Variants in PROM1 observed in about 807,000 individuals in gnomAD.
PROM1 encodes the protein prominin-1.
A neutral mutation model predicts 116.9 loss-of-function variants in PROM1; 105 were observed. The ratio of observed to expected loss-of-function variants is 0.90; its 90% CI spans 0.77 to 1.06. The LOEUF (loss-of-function observed/expected upper bound fraction) is 1.06. PROM1 is among the 50% of genes least tolerant of loss of function. The pLI is 0.00. For missense variants in PROM1, 1,122 were observed against 1,045.2 expected (o/e 1.07, Z -1.01); for synonymous variants, 393 against 387.0 (o/e 1.02, Z -0.18).
At chr4:16,020,828 A>C (rs3796845) in intron 8 of PROM1, among the ~76,000 whole-genome samples, 15,790 of 152,260 alleles carry the variant, frequency 0.1, 1,039 homozygotes, top group East Asian at 0.25. Context: ...AAAAGCTTCA[A>C]AGTATTTTAT....
intron 5 of PROM1, among the ~76,000 whole-genome samples, chr4:16,026,610 T>A (rs2149350417): frequency 6.6e-6 from 1 of 152,316 alleles, no homozygotes; most frequent in East Asian, 1.9e-4. Context: ...ACATCCCATT[T>A]TTTGTACCTA....
chr4:16,042,773 TACTA>T (rs1735638280), intron 2 of PROM1, among the ~76,000 whole-genome samples: 1 of 152,202 alleles, frequency 6.6e-6, no homozygotes, highest in Admixed American at 6.5e-5. Flanking sequence ...CTGAAAAGAC[TACTA>T]AAGTACTGCT....
intron 9 of PROM1, 104 bp downstream of exon 9, chr4:16,018,219 C>G: frequency 9.2e-7 from 1 of 1,085,146 alleles, no homozygotes; most frequent in South Asian, 1.5e-5. Flanking sequence ...GCTAACTGTT[C>G]TCCAAGTCAG....
rs3040447 is a variant in PROM1 at position 16,019,871 on chromosome 4, T to TACACACACACAC, written c.785-1343_785-1332dup. On this transcript the variant is annotated intron_variant, in intron 8 of 27. Transcript: ENST00000447510. ...ACAGAAAATACTTGAGTGTTAAAAA[T>TACACACACACAC]ACACACACACACACACACACACACA... is the stretch of plus-strand genomic sequence containing the variant. 2.2e-3 allele frequency among the ~76,000 whole-genome samples: 331 copies of TACACACACACAC among 148,160 alleles called. 3 individuals are homozygous for TACACACACACAC. The highest frequency in any genetic ancestry group is 3.5e-3 in the Middle Eastern group (1 of 286).
At chr4:16,007,520 G>A (rs1328080058) in intron 12 of PROM1, among the ~76,000 whole-genome samples, 1 of 152,204 alleles carries the variant, frequency 6.6e-6, no homozygotes, top group African/African-American at 2.4e-5. Flanking sequence ...AGCAATCTCA[G>A]TAATTATAGT....
At chr4:16,071,179 A>G (rs1358011930) in intron 2 of PROM1, among the ~76,000 whole-genome samples, 2 of 152,120 alleles carry the variant, frequency 1.3e-5, no homozygotes, top group Non-Finnish European at 2.9e-5. Flanking sequence ...GCTCTAACCT[A>G]TCAGCTGTTG....
At chr4:16,076,981 C>T (rs1744087849) in intron 1 of PROM1, among the ~76,000 whole-genome samples, 1 of 152,246 alleles carries the variant, frequency 6.6e-6, no homozygotes, top group African/African-American at 2.4e-5. Context: ...GGACCTCTGC[C>T]TAGGAAAGCC....
At position 16,018,345 on chromosome 4, in the gene PROM1, T is replaced by C. The variant is rs935424227; in HGVS notation, c.980A>G (p.Asn327Ser). Residue 327 changes from asparagine (N) to serine (S), a missense_variant, in exon 9 of 28, where the codon AAT becomes AGT. By Grantham distance (46) the Asn-to-Ser change is conservative. Transcript: ENST00000447510. ...CACCTGCCTCAGTTCAGGGTTGCTA[T>C]TCAGCTGGCTTAGAGACAATCTGAT... is the stretch of plus-strand genomic sequence containing the variant. ...NSIRLSLSQL[N>S]SNPELRQLPP... 2.5e-6 allele frequency: 4 copies of C among 1,613,388 alleles called. No homozygotes were observed. Among genetic ancestry groups the C allele is most frequent in the Non-Finnish European group, 3.4e-6 (4 of 1,179,880 alleles).
chr4:16,066,367 T>A (rs1330429685), intron 2 of PROM1, among the ~76,000 whole-genome samples: 1 of 152,230 alleles, frequency 6.6e-6, no homozygotes, highest in African/African-American at 2.4e-5. Context: ...TTTATAAATA[T>A]AATTTACCTA....
intron 2 of PROM1, among the ~76,000 whole-genome samples, chr4:16,057,224 T>A (rs923583032): frequency 2.1e-4 from 32 of 152,216 alleles, no homozygotes; most frequent in African/African-American, 7.5e-4. Context: ...TCACAATCAA[T>A]CACCCTTCTG....
chr4:16,024,275 CA>C lies in PROM1; in HGVS notation c.694+19del, dbSNP rs1418745125. The C allele has an allele frequency of 6.2e-7, 1 of 1,605,390 alleles. No individual in the cohort carries two copies. Among genetic ancestry groups the C allele is most frequent in the African/African-American group, 1.3e-5 (1 of 74,834 alleles). On this transcript the variant is annotated intron_variant, in intron 7 of 27. Coordinates refer to ENST00000447510, the MANE Select transcript of PROM1 (RefSeq NM_006017.3). ...CAAAACAAAGAAAAAAAATGTGAAG[CA>C]ACTTTAAATTTTACTCACTGTTCAG...
chr4:16,003,849 A>C (rs971218176), intron 13 of PROM1, among the ~76,000 whole-genome samples: 2 of 152,220 alleles, frequency 1.3e-5, no homozygotes, highest in African/African-American at 4.8e-5. Flanking sequence ...GAGCAGAGCC[A>C]GGGCTCTCTG....
intron 5 of PROM1, among the ~76,000 whole-genome samples, chr4:16,027,295 G>C (rs1271296350): frequency 2.8e-4 from 28 of 98,566 alleles, no homozygotes; most frequent in African/African-American, 1.1e-3. Flanking sequence ...TTGTGAAGAA[G>C]AAACACACAC....
At chr4:15,983,539 G>A (rs1269203580) in intron 23 of PROM1, among the ~76,000 whole-genome samples, 3 of 152,300 alleles carry the variant, frequency 2.0e-5, no homozygotes, top group East Asian at 1.9e-4. Context: ...GAAAGGCGGC[G>A]TGTGCCCATC....
chr4:15,980,604 GGATTTTT>G, intron 23 of PROM1, 67 bp from the exon 24 acceptor site: 2 of 793,348 alleles, frequency 2.5e-6, no homozygotes, highest in Non-Finnish European at 3.6e-6. Flanking sequence ...GTTGTTTGGG[GGATTTTT>G]TTTTTTTTTT....
rs762638973 is a variant in PROM1 at position 16,025,249 on chromosome 4, C to T, written c.573G>A (p.Arg191=). Residue 191 remains arginine (R), a synonymous_variant, in exon 6 of 28, where the codon CGG becomes CGA. Coordinates refer to ENST00000447510, the MANE Select transcript of PROM1 (RefSeq NM_006017.3). ...CCTTGAAATTGCTATCTGCCAGTTT[C>T]CGACTCCTTTTGATCCGGGTTCTTA... ...HQVRTRIKRS[R]KLADSNFKDL... The T allele has an allele frequency of 6.2e-7, 1 of 1,613,956 alleles. No homozygotes were observed. Among genetic ancestry groups the T allele is most frequent in the East Asian group, 2.2e-5 (1 of 44,888 alleles).
chr4:16,007,671 T>C (rs879751404), intron 12 of PROM1, among the ~76,000 whole-genome samples: 74 of 152,288 alleles, frequency 4.9e-4, no homozygotes, highest in African/African-American at 1.4e-3. Context: ...TAAGATAAGT[T>C]CATAGTGTCA....
chr4:16,037,562 C>G (rs1297052261), intron 3 of PROM1, among the ~76,000 whole-genome samples: 1 of 152,128 alleles, frequency 6.6e-6, no homozygotes, highest in African/African-American at 2.4e-5. Context: ...CTGCCTTCTC[C>G]CATGCCGGAA....
intron 2 of PROM1, among the ~76,000 whole-genome samples, chr4:16,055,730 T>C (rs919012751): frequency 1.3e-5 from 2 of 152,200 alleles, no homozygotes; most frequent in South Asian, 4.1e-4. Flanking sequence ...TTTTTAAAAA[T>C]GCAATGTCAT....
Sources: gnomAD v4.1 joint callset for allele counts (sites outside exome capture counted in the v4.1 genomes callset) on GRCh38, gnomAD v4.1.1 for gene constraint, MANE v1.5 for transcripts, NCBI Gene and HGNC (gene_info 2026-07-23, HGNC 2026-07-21) for gene names.